XKR6: variants seen among roughly 807,000 people sequenced by gnomAD.
XKR6 encodes XK-related protein 6.
XKR6 carries 22 observed loss-of-function variants against 56.7 expected under a neutral mutation model. That is an observed-to-expected ratio of 0.39 (90% CI 0.28 to 0.55). The LOEUF (loss-of-function observed/expected upper bound fraction) is 0.55, where lower values mean the gene tolerates loss of function less well. XKR6 is among the 20% of genes least tolerant of loss of function. The pLI is 0.66. For synonymous variants in XKR6, 524 were observed against 387.8 expected, an observed-to-expected ratio of 1.35 and a Z score of -4.13; for missense variants, 852 against 889.0, an observed-to-expected ratio of 0.96 and a Z score of 0.53.
At chr8:11,166,823 T>C (rs1586641621) in intron 1 of XKR6, among the ~76,000 whole-genome samples, 2 of 152,176 alleles carry the variant, frequency 1.3e-5, no homozygotes, top group Non-Finnish European at 2.9e-5. Flanking sequence ...TCCAACCGCC[T>C]CGACCTCTCA....
chr8:11,152,972 G>T (rs1391142893), intron 1 of XKR6, among the ~76,000 whole-genome samples: 1 of 152,102 alleles, frequency 6.6e-6, no homozygotes, highest in Non-Finnish European at 1.5e-5. Context: ...AGAATGCCAC[G>T]GTTTGGTTTG....
At chr8:10,914,203 C>T (rs753953275) in intron 2 of XKR6, among the ~76,000 whole-genome samples, 1 of 152,242 alleles carries the variant, frequency 6.6e-6, no homozygotes, top group East Asian at 1.9e-4. Context: ...TCACTGTAAC[C>T]GCCGCAACCA....
intron 1 of XKR6, among the ~76,000 whole-genome samples, chr8:11,167,023 G>A (rs1183333087): frequency 2.6e-5 from 4 of 152,176 alleles, no homozygotes; most frequent in African/African-American, 9.6e-5. Context: ...AGCGTGTGTG[G>A]CGGTGGTAGA....
chr8:11,021,981 T>C (rs1798759165), intron 1 of XKR6, among the ~76,000 whole-genome samples: 1 of 151,468 alleles, frequency 6.6e-6, no homozygotes. Flanking sequence ...TTAGCCTCTG[T>C]CTCCAGCTGA....
intron 1 of XKR6, among the ~76,000 whole-genome samples, chr8:10,988,502 C>T (rs1004411027): frequency 6.6e-6 from 1 of 152,230 alleles, no homozygotes; most frequent in African/African-American, 2.4e-5. Flanking sequence ...AGAACCCCCA[C>T]TGTCACGTAG....
intron 1 of XKR6, among the ~76,000 whole-genome samples, chr8:11,055,271 T>C (rs1175874610): frequency 6.7e-6 from 1 of 150,254 alleles, no homozygotes; most frequent in East Asian, 2.0e-4. Flanking sequence ...AGAGGAAACA[T>C]GGAGGCTGCA....
At chr8:10,907,538 T>C (rs543432973) in intron 2 of XKR6, among the ~76,000 whole-genome samples, 2 of 152,336 alleles carry the variant, frequency 1.3e-5, no homozygotes, top group African/African-American at 4.8e-5. Flanking sequence ...GATTTCAAGA[T>C]GAAGACACTG....
At chr8:11,032,591 A>G (rs750619039) in intron 1 of XKR6, among the ~76,000 whole-genome samples, 8 of 152,214 alleles carry the variant, frequency 5.3e-5, no homozygotes, top group Non-Finnish European at 1.2e-4. Flanking sequence ...GGGCTGTAAT[A>G]GAGATGTGTT....
chr8:11,025,305 A>G (rs573309083), intron 1 of XKR6, among the ~76,000 whole-genome samples: 3 of 152,166 alleles, frequency 2.0e-5, no homozygotes, highest in Non-Finnish European at 4.4e-5. Context: ...CTTTCAACAC[A>G]TTTTTACATA....
intron 1 of XKR6, among the ~76,000 whole-genome samples, chr8:10,952,371 A>G (rs1212143880): frequency 6.6e-6 from 1 of 152,172 alleles, no homozygotes; most frequent in Non-Finnish European, 1.5e-5. Context: ...AAACACTAAT[A>G]CAGTCAGTAC....
At chr8:11,155,413 T>C (rs1247828173) in intron 1 of XKR6, among the ~76,000 whole-genome samples, 1 of 152,182 alleles carries the variant, frequency 6.6e-6, no homozygotes, top group Non-Finnish European at 1.5e-5. Context: ...TCTCATTTTA[T>C]AAAGTGAACA....
chr8:10,967,352 C>A (rs1486223214), intron 1 of XKR6, among the ~76,000 whole-genome samples: 1 of 152,182 alleles, frequency 6.6e-6, no homozygotes, highest in African/African-American at 2.4e-5. Context: ...GAAACTCCCA[C>A]ACCTCCCAGA....
intron 1 of XKR6, among the ~76,000 whole-genome samples, chr8:11,146,057 A>G (rs2116954864): frequency 1.3e-5 from 2 of 152,322 alleles, no homozygotes; most frequent in South Asian, 4.1e-4. Context: ...TTGACTTTTG[A>G]TAAAGGGGCA....
chr8:11,151,664 A>ACC, intron 1 of XKR6, among the ~76,000 whole-genome samples: 1 of 151,182 alleles, frequency 6.6e-6, no homozygotes, highest in East Asian at 1.9e-4. Context: ...GAAAATCCAG[A>ACC]CCCACGATCC....
At chr8:10,937,504 G>T (rs1801239241) in intron 1 of XKR6, among the ~76,000 whole-genome samples, 1 of 149,066 alleles carries the variant, frequency 6.7e-6, no homozygotes, top group Non-Finnish European at 1.5e-5. Flanking sequence ...CAGTTTTTCT[G>T]TTCTGTTTTT....
rs533680114 is a variant in XKR6, at chr8:11,099,506, G to A, written c.764+101070C>T. 2.0e-4 allele frequency among the ~76,000 whole-genome samples: 31 copies of A among 152,308 alleles called. No individual in the cohort carries two copies. The South Asian group carries it at 2.1e-3, about 10-fold the overall frequency. On this transcript the variant is annotated intron_variant, in intron 1 of 2. Coordinates refer to ENST00000416569, the MANE Select transcript of XKR6 (RefSeq NM_173683.4). Reference sequence around the variant, plus strand: ...GGCAGGGCAGCCCTGCCTGGAGAGCGAGCTCTGAGATCAGCTCCTCTCTTA... The same window carrying A: ...GGCAGGGCAGCCCTGCCTGGAGAGCAAGCTCTGAGATCAGCTCCTCTCTTA...
chr8:10,961,386 C>T (rs972280014), intron 1 of XKR6, among the ~76,000 whole-genome samples: 8 of 152,146 alleles, frequency 5.3e-5, no homozygotes, highest in East Asian at 1.9e-4. Flanking sequence ...ACACTGACAA[C>T]GCTGCAGAAT....
rs186621763 is a variant in XKR6, at chr8:11,132,448, C to T, written c.764+68128G>A. On this transcript the variant is annotated intron_variant, in intron 1 of 2. Transcript: ENST00000416569. ...ATCTCGGATCGCTCACTGCAACCTCCGCCTCCCAGGCTCAACCAATTCTCC... is the reference window on the plus strand; with the variant it reads ...ATCTCGGATCGCTCACTGCAACCTCTGCCTCCCAGGCTCAACCAATTCTCC... 1.3e-4 allele frequency among the ~76,000 whole-genome samples: 19 copies of T among 151,916 alleles called. No individual in the cohort carries two copies. In the East Asian group the frequency reaches 1.9e-3, roughly 15 times the overall value.
rs374720887 is a variant in XKR6, at chr8:10,907,985, C to T, written c.962-9069G>A. 1.9e-4 allele frequency among the ~76,000 whole-genome samples: 29 copies of T among 152,356 alleles called. 1 individual carries two copies. In the South Asian group the frequency reaches 5.4e-3, roughly 28 times the overall value. ...CACTACAGCAGCCAACATGATTAAG[C>T]TACAATGTTTCCCTCCGCGTGGCTT... On this transcript the variant is annotated intron_variant, in intron 2 of 2. Coordinates refer to ENST00000416569, the MANE Select transcript of XKR6 (RefSeq NM_173683.4).
Sources: allele counts gnomAD v4.1 joint callset (sites outside exome capture counted in the v4.1 genomes callset), GRCh38; gene constraint gnomAD v4.1.1; transcripts MANE v1.5; gene names NCBI Gene and HGNC (gene_info 2026-07-23, HGNC 2026-07-21).